The following GPC5 variants were observed in gnomAD, a reference collection of about 807,000 sequenced individuals.
The protein encoded by GPC5 is glypican-5.
In GPC5, 47 loss-of-function variants were observed where a neutral mutation model predicts 53.9. The observed-to-expected ratio is 0.87, with a 90% CI of 0.69 to 1.11. The LOEUF is 1.11. GPC5 is among the 50% of genes most tolerant of loss of function. The pLI, the probability that GPC5 is intolerant of heterozygous loss-of-function variation, is 0.00. For missense variants in GPC5, 748 were observed against 713.1 expected, an observed-to-expected ratio of 1.05 and a Z score of -0.56; for synonymous variants, 286 against 263.3, an observed-to-expected ratio of 1.09 and a Z score of -0.84.
At chr13:92,469,713 A>G (rs9301812) in intron 7 of GPC5, among the ~76,000 whole-genome samples, 59,318 of 151,904 alleles carry the variant, frequency 0.39, 12,915 homozygotes, top group African/African-American at 0.56. Flanking sequence ...CTATGTTTAA[A>G]ACCCAATTTC....
chr13:92,473,086 G>C (rs1376930507), intron 7 of GPC5, among the ~76,000 whole-genome samples: 2 of 152,042 alleles, frequency 1.3e-5, no homozygotes, highest in Admixed American at 6.6e-5. Context: ...GGGGAATAGA[G>C]CAGCATTTCA....
intron 7 of GPC5, among the ~76,000 whole-genome samples, chr13:92,329,966 A>G (rs1285317936): frequency 6.6e-6 from 1 of 152,112 alleles, no homozygotes; most frequent in African/African-American, 2.4e-5. Flanking sequence ...CTTCTATGAA[A>G]GAAAACACAT....
At chr13:92,740,600 TG>T (rs1232286911) in intron 7 of GPC5, among the ~76,000 whole-genome samples, 1 of 152,094 alleles carries the variant, frequency 6.6e-6, no homozygotes, top group Non-Finnish European at 1.5e-5. Flanking sequence ...ACAGGTCTAC[TG>T]ATCTTTGTAA....
chr13:92,591,315 A>G (rs1883704996), intron 7 of GPC5, among the ~76,000 whole-genome samples: 1 of 152,030 alleles, frequency 6.6e-6, no homozygotes, highest in South Asian at 2.1e-4. Flanking sequence ...CTATTAGGGA[A>G]CGTGGACCTT....
intron 2 of GPC5, among the ~76,000 whole-genome samples, chr13:91,506,762 A>C (rs1884967279): frequency 6.6e-6 from 1 of 152,162 alleles, no homozygotes; most frequent in African/African-American, 2.4e-5. Flanking sequence ...TAAATTAAAA[A>C]TATAATGAAT....
chr13:91,760,458 A>G lies in GPC5; in HGVS notation c.1280+4038A>G, dbSNP rs535582522. On this transcript the variant is annotated intron_variant, in intron 5 of 7. Transcript: ENST00000377067. ...CCATTCAGTTTTGAGGAAATGGACA[A>G]GTGAATGTATACTACATTTGGGGAT... 6.6e-5 allele frequency among the ~76,000 whole-genome samples: 10 copies of G among 152,326 alleles called. No homozygotes were observed. In the South Asian group the frequency reaches 1.2e-3, roughly 19 times the overall value.
chr13:92,451,277 A>G (rs1175170730), intron 7 of GPC5, among the ~76,000 whole-genome samples: 2 of 152,160 alleles, frequency 1.3e-5, no homozygotes, highest in African/African-American at 4.8e-5. Context: ...AGCCTGAATC[A>G]CAAATTTAGC....
At chr13:92,492,351 G>A (rs1879796676) in intron 7 of GPC5, among the ~76,000 whole-genome samples, 4 of 151,778 alleles carry the variant, frequency 2.6e-5, no homozygotes, top group African/African-American at 7.3e-5. Flanking sequence ...TTGTGGGGTG[G>A]GAGAGGGGGG....
chr13:92,377,860 C>A (rs2043707680), intron 7 of GPC5, among the ~76,000 whole-genome samples: 2 of 152,052 alleles, frequency 1.3e-5, no homozygotes, highest in Admixed American at 6.6e-5. Flanking sequence ...CGCATATATT[C>A]ACATGTATAT....
In GPC5 at chr13:92,630,076, A is replaced by G. The variant is rs192031786; in HGVS notation, c.1562-236206A>G. On this transcript the variant is annotated intron_variant, in intron 7 of 7. Transcript: ENST00000377067. ...CAAAAGGGCAGGAATTTATACACTT[A>G]AAGTAGAAAACAGAATGTATTTGAC... Among the ~76,000 whole-genome samples the G allele has an allele frequency of 1.4e-3, 216 of 152,320 alleles. 2 individuals carry two copies. The highest frequency in any genetic ancestry group is 5.0e-3 in the African/African-American group (209 of 41,576).
intron 7 of GPC5, among the ~76,000 whole-genome samples, chr13:92,438,439 T>C (rs1877413136): frequency 6.6e-6 from 1 of 151,006 alleles, no homozygotes; most frequent in African/African-American, 2.4e-5. Flanking sequence ...GATGGTCAGC[T>C]TAAGCATGGG....
intron 7 of GPC5, among the ~76,000 whole-genome samples, chr13:92,362,438 A>T (rs1230028385): frequency 6.6e-6 from 1 of 151,832 alleles, no homozygotes; most frequent in Admixed American, 6.5e-5. Context: ...GACTATTACT[A>T]GCTCCTTTCA....
intron 1 of GPC5, among the ~76,000 whole-genome samples, chr13:91,409,970 T>C (rs1877600914): frequency 1.3e-5 from 2 of 152,220 alleles, no homozygotes; most frequent in African/African-American, 4.8e-5. Context: ...TATTTGGTTT[T>C]CCATTCCTGT....
At chr13:92,488,123 G>T (rs1879624891) in intron 7 of GPC5, among the ~76,000 whole-genome samples, 1 of 151,994 alleles carries the variant, frequency 6.6e-6, no homozygotes, top group Admixed American at 6.6e-5. Flanking sequence ...GCCTGAGTGT[G>T]TGTGTGCGCG....
chr13:91,950,453 C>T (rs2040017003), intron 6 of GPC5, among the ~76,000 whole-genome samples: 1 of 149,646 alleles, frequency 6.7e-6, no homozygotes, highest in Non-Finnish European at 1.5e-5. Context: ...CCACAGGGAA[C>T]TTTTATTACT....
intron 6 of GPC5, among the ~76,000 whole-genome samples, chr13:92,046,688 A>T (rs1362251970): frequency 6.6e-6 from 1 of 152,208 alleles, no homozygotes; most frequent in Non-Finnish European, 1.5e-5. Context: ...TTATTAAAAA[A>T]TCCTACAAAT....
chr13:92,569,335 CT>C (rs1212942526), intron 7 of GPC5, among the ~76,000 whole-genome samples: 1 of 151,920 alleles, frequency 6.6e-6, no homozygotes, highest in Non-Finnish European at 1.5e-5. Context: ...GAAATTTAGG[CT>C]TAAAGAGGCT....
intron 7 of GPC5, among the ~76,000 whole-genome samples, chr13:92,814,236 A>G (rs1035671409): frequency 2.6e-5 from 4 of 152,044 alleles, no homozygotes; most frequent in African/African-American, 9.7e-5. Flanking sequence ...ACAGACCTAA[A>G]TTTAAAACCC....
At chr13:91,443,765 C>T (rs1329181207) in intron 1 of GPC5, among the ~76,000 whole-genome samples, 2 of 152,126 alleles carry the variant, frequency 1.3e-5, no homozygotes, top group African/African-American at 4.8e-5. Context: ...GAATTATATA[C>T]ATTTTAAAGG....
Sources: gnomAD v4.1 joint callset for allele counts (sites outside exome capture counted in the v4.1 genomes callset) on GRCh38, gnomAD v4.1.1 for gene constraint, MANE v1.5 for transcripts, NCBI Gene and HGNC (gene_info 2026-07-23, HGNC 2026-07-21) for gene names.